PEDS1: variants seen among roughly 807,000 people sequenced by gnomAD.
PEDS1 encodes the protein plasmanylethanolamine desaturase 1, also known as CarF homolog.
PEDS1 carries 14 observed loss-of-function variants against 35.2 expected under a neutral mutation model. The observed-to-expected ratio is 0.40, with a 90% confidence interval of 0.26 to 0.62. PEDS1 has a LOEUF of 0.62. Ranked by LOEUF, PEDS1 falls within the 20% of genes least tolerant of loss-of-function variation. PEDS1 has a pLI of 0.44. For missense variants in PEDS1, 260 were observed against 367.8 expected (o/e 0.71, Z 2.40); for synonymous variants, 152 against 152.0 (o/e 1.00, Z 0.00).
rs772016198 is a variant in PEDS1 at position 50,129,661 on chromosome 20, G to A, written c.363C>T (p.His121=). 17 of 1,614,036 alleles carry A rather than the reference G, an allele frequency of 1.1e-5. No individual in the cohort carries two copies. The East Asian group carries it at 2.7e-4, about 25-fold the overall frequency. Residue 121 remains histidine (H), a synonymous_variant, in exon 4 of 6, where the codon CAC becomes CAT. Coordinates refer to ENST00000371652, the MANE Select transcript of PEDS1 (RefSeq NM_199129.4). This position sits in a 1 kb window ranked among gnomAD's most constrained non-coding sequence, Gnocchi z 4.2. ...KAFIRPFREH[H]IDPTAITRHD... ...GCCGTGTGATAGCTGTCGGGTCAAT[G>A]TGGTGCTCCCGGAAGGGTCGGATGA...
At chr20:50,140,976 G>A (rs1411386745) in intron 2 of PEDS1, among the ~76,000 whole-genome samples, 1 of 152,162 alleles carries the variant, frequency 6.6e-6, no homozygotes, top group Admixed American at 6.5e-5. Context: ...GTGCAGCCTC[G>A]AAAGCCAGAG....
At position 50,129,706 on chromosome 20, in the gene PEDS1, A is replaced by G. The variant is rs766902511; in HGVS notation, c.334-16T>C. On this transcript the variant is annotated splice_polypyrimidine_tract_variant and intron_variant, in intron 3 of 5. Transcript: ENST00000371652. This position sits in a 1 kb window ranked among gnomAD's most constrained non-coding sequence, Gnocchi z 4.2. ...GGATGAAAGCCTGGAGTTGAGGGGG[A>G]CACAGCCCCAGCAGTCAGCCTAAGG... 2.5e-6 allele frequency: 4 copies of G among 1,613,132 alleles called. No individual in the cohort carries two copies. The highest frequency in any genetic ancestry group is 3.4e-6 in the Non-Finnish European group (4 of 1,179,826).
rs145714495 is a variant in PEDS1 at position 50,133,672 on chromosome 20, T to C, written c.242-2725A>G. ...CCCACTCCAGATCCCCTGTGCTGGC[T>C]CCTCCTCGGCCTTCTTGCTCAGAGC... On this transcript the variant is annotated intron_variant, in intron 2 of 5. Coordinates refer to ENST00000371652, the MANE Select transcript of PEDS1 (RefSeq NM_199129.4). 2.2e-3 allele frequency among the ~76,000 whole-genome samples: 331 copies of C among 152,314 alleles called. 1 individual carries two copies. Among genetic ancestry groups the C allele is most frequent in the African/African-American group, 7.5e-3 (313 of 41,572 alleles).
chr20:50,132,190 G>A (rs2081187458), intron 2 of PEDS1, among the ~76,000 whole-genome samples: 1 of 152,174 alleles, frequency 6.6e-6, no homozygotes. Flanking sequence ...CCAACAGAGT[G>A]AGACTCTGTC....
Position 50,129,772 on chromosome 20 carries a change from T to G in PEDS1, c.334-82A>C. On this transcript the variant is annotated intron_variant, in intron 3 of 5. Transcript: ENST00000371652. This position sits in a 1 kb window ranked among gnomAD's most constrained non-coding sequence, Gnocchi z 4.2. ...CACAGCCCCCTAAACACATTCACCC[T>G]GGGCTCACCTCCCGCCTTTGATCCT... 6.4e-7 allele frequency: 1 copy of G among 1,560,854 alleles called. No individual in the cohort carries two copies. The highest frequency in any genetic ancestry group is 8.7e-7 in the Non-Finnish European group (1 of 1,154,312).
At chr20:50,151,760 G>A (rs1336260269) in intron 1 of PEDS1, among the ~76,000 whole-genome samples, 3 of 152,316 alleles carry the variant, frequency 2.0e-5, no homozygotes, top group South Asian at 4.1e-4. Flanking sequence ...TCAGGAGGCT[G>A]AGGCAGGAGA....
At chr20:50,145,193 C>T (rs1177520008) in intron 1 of PEDS1, among the ~76,000 whole-genome samples, 2 of 150,360 alleles carry the variant, frequency 1.3e-5, no homozygotes, top group Non-Finnish European at 3.0e-5. Flanking sequence ...CAGAGTGAGA[C>T]TCCATCTCAA....
rs752833813 is a variant in PEDS1 at position 50,125,015 on chromosome 20, G to C, written c.*43C>G. 1.9e-6 allele frequency: 3 copies of C among 1,606,404 alleles called. No homozygotes were observed. Among genetic ancestry groups the C allele is most frequent in the Non-Finnish European group, 2.6e-6 (3 of 1,174,148 alleles). ...GAATTTGGCAGATGGCTTCGGTTTG[G>C]GGGCTAGGGAAGGTTGGCAACCAGG... On this transcript the variant is annotated 3_prime_UTR_variant, in exon 6 of 6. Transcript: ENST00000371652.
intron 2 of PEDS1, among the ~76,000 whole-genome samples, chr20:50,141,806 C>A (rs1447578080): frequency 6.6e-6 from 1 of 152,232 alleles, no homozygotes; most frequent in Non-Finnish European, 1.5e-5. Flanking sequence ...TCTCTCTCCC[C>A]TCCAGCTGGT....
intron 2 of PEDS1, chr20:50,131,241 T>A: frequency 4.7e-6 from 3 of 642,170 alleles, no homozygotes; most frequent in Non-Finnish European, 8.3e-6. Flanking sequence ...GGCTGTGCCC[T>A]TCTCTCTGCC....
At chr20:50,127,810 A>C (rs572565222) in intron 5 of PEDS1, among the ~76,000 whole-genome samples, 165 bp downstream of exon 5, 1 of 152,300 alleles carries the variant, frequency 6.6e-6, no homozygotes, top group African/African-American at 2.4e-5. Context: ...CACCTAGAAT[A>C]GTGCCTGGCA....
In PEDS1 at chr20:50,128,210, G is replaced by A. The variant is rs374299929; in HGVS notation, c.479-23C>T. On this transcript the variant is annotated intron_variant, in intron 4 of 5. Transcript: ENST00000371652. This position sits in a 1 kb window ranked among gnomAD's most constrained non-coding sequence, Gnocchi z 5.2. Reference sequence around the variant, plus strand: ...CTTCTGCAGGTTGGGGAGAGGGGGGGCCGGCACAGCTGTCACTCGGGACGG... The same window carrying A: ...CTTCTGCAGGTTGGGGAGAGGGGGGACCGGCACAGCTGTCACTCGGGACGG... 5.6e-6 allele frequency: 9 copies of A among 1,612,546 alleles called. No homozygotes were observed. The highest frequency in any genetic ancestry group is 2.2e-5 in the East Asian group (1 of 44,860).
rs1160760168 is a variant in PEDS1 at position 50,129,206 on chromosome 20, A to G, written c.478+340T>C. Among the ~76,000 whole-genome samples, 1 of 152,192 alleles carries G rather than the reference A, an allele frequency of 6.6e-6. No individual in the cohort carries two copies. Among genetic ancestry groups the G allele is most frequent in the Admixed American group, 6.5e-5 (1 of 15,278 alleles). The stretch of plus-strand genomic sequence containing the variant: ...CCCCAGAAGCCCTGCCAGGCAGGTA[A>G]CACAAATGAACAAGGTGGGTTGGGT... On this transcript the variant is annotated intron_variant, in intron 4 of 5. Transcript: ENST00000371652. The surrounding 1 kb of genome is among the most constrained non-coding windows in gnomAD (Gnocchi z 4.2).
intron 1 of PEDS1, among the ~76,000 whole-genome samples, chr20:50,153,210 A>G (rs1329232951): frequency 7.9e-5 from 12 of 151,884 alleles, no homozygotes; most frequent in Non-Finnish European, 1.6e-4. Context: ...ACTCTTCACA[A>G]CCGAGAATGC....
chr20:50,146,687 G>T (rs2081348543), intron 1 of PEDS1, among the ~76,000 whole-genome samples: 1 of 152,166 alleles, frequency 6.6e-6, no homozygotes, highest in Non-Finnish European at 1.5e-5. Context: ...AGGCTCAGAA[G>T]GGGAACGGAA....
rs545358600 is a variant in PEDS1 at position 50,150,916 on chromosome 20, G to A, written c.121+2601C>T. On this transcript the variant is annotated intron_variant, in intron 1 of 5. Coordinates refer to ENST00000371652, the MANE Select transcript of PEDS1 (RefSeq NM_199129.4). ...TCGCCATGTTGGCCAGGCTGGTCTC[G>A]AACTCCTGACCTCAAGTGATCCACC... 5.3e-5 allele frequency among the ~76,000 whole-genome samples: 8 copies of A among 152,180 alleles called. No individual in the cohort carries two copies. In the South Asian group the frequency reaches 1.0e-3, roughly 20 times the overall value.
At chr20:50,138,600 G>C (rs1420752909) in intron 2 of PEDS1, among the ~76,000 whole-genome samples, 1 of 152,190 alleles carries the variant, frequency 6.6e-6, no homozygotes, top group African/African-American at 2.4e-5. Flanking sequence ...TGTCTGCTTT[G>C]GACAGAAGTC....
intron 5 of PEDS1, among the ~76,000 whole-genome samples, chr20:50,126,507 G>A (rs1472030926): frequency 1.3e-5 from 2 of 152,170 alleles, no homozygotes; most frequent in South Asian, 2.1e-4. Context: ...AAAAATAGTA[G>A]CTGTAATTTA....
chr20:50,138,069 T>C (rs978818894), intron 2 of PEDS1, among the ~76,000 whole-genome samples: 7 of 152,184 alleles, frequency 4.6e-5, no homozygotes, highest in African/African-American at 1.7e-4. Context: ...GCCCCGCTAA[T>C]GTAAGATTTA....
Sources: gnomAD v4.1 joint callset for allele counts (sites outside exome capture counted in the v4.1 genomes callset) on GRCh38, gnomAD v4.1.1 for gene constraint, Gnocchi (gnomAD v3.1) non-coding constraint, MANE v1.5 for transcripts, NCBI Gene and HGNC (gene_info 2026-07-23, HGNC 2026-07-21) for gene names.